The following CLCN3 variants were observed in gnomAD, a reference collection of about 807,000 sequenced individuals.
CLCN3 encodes the protein H(+)/Cl(-) exchange transporter 3.
Under a neutral mutation model 83.4 loss-of-function variants are expected in CLCN3, and 16 were observed. The observed-to-expected ratio is 0.19, with a 90% CI of 0.13 to 0.29. The LOEUF (loss-of-function observed/expected upper bound fraction) is 0.29. CLCN3 is among the 10% of genes least tolerant of loss of function. The pLI is 1.00. For missense variants in CLCN3, 544 were observed against 1,006.0 expected, an observed-to-expected ratio of 0.54 and a Z score of 6.21; for synonymous variants, 322 against 346.2, an observed-to-expected ratio of 0.93 and a Z score of 0.78.
intron 6 of CLCN3, among the ~76,000 whole-genome samples, 178 bp from the exon 7 acceptor site, chr4:169,691,936 T>A (rs940356634): frequency 1.3e-5 from 2 of 152,158 alleles, no homozygotes; most frequent in Admixed American, 1.3e-4. Context: ...GATTATAATA[T>A]CAATTTATTA....
intron 1 of CLCN3, among the ~76,000 whole-genome samples, chr4:169,622,645 C>G (rs554845660): frequency 2.0e-5 from 3 of 152,222 alleles, no homozygotes; most frequent in Admixed American, 1.3e-4. Flanking sequence ...TCACACTAAC[C>G]CCACGAAGTA....
chr4:169,628,604 C>T (rs1415611966), intron 1 of CLCN3, among the ~76,000 whole-genome samples: 2 of 152,132 alleles, frequency 1.3e-5, no homozygotes, highest in South Asian at 2.1e-4. Flanking sequence ...AAGATACTAC[C>T]GTACATCTAT....
At chr4:169,699,596 A>G (rs1435671885) in intron 9 of CLCN3, among the ~76,000 whole-genome samples, 1 of 152,154 alleles carries the variant, frequency 6.6e-6, no homozygotes, top group Non-Finnish European at 1.5e-5. Context: ...AATAATAGAA[A>G]AGCCTGGCCA....
At chr4:169,651,853 T>A (rs541341655) in intron 2 of CLCN3, among the ~76,000 whole-genome samples, 48 of 152,200 alleles carry the variant, frequency 3.2e-4, no homozygotes, top group Non-Finnish European at 6.3e-4. Context: ...AGGAAATTCC[T>A]TGGAAAAACC....
rs1409534682 is a variant in CLCN3 at position 169,636,072 on chromosome 4, T to C, written c.144T>C (p.Asp48=). ...CATCTGAAGATGACAATTTATTAGA[T>C]GGTGACACTGCAGTTGGTAAGTTCA... The part of the protein sequence containing the change: ...FQTSEDDNLL[D]GDTAVGTHYT... Residue 48 remains aspartate (D), a synonymous_variant, in exon 2 of 13, where the codon GAT becomes GAC. Coordinates refer to ENST00000513761, the MANE Select transcript of CLCN3 (RefSeq NM_001829.4). The C allele has an allele frequency of 1.9e-6, 3 of 1,612,416 alleles. No homozygotes were observed. Among genetic ancestry groups the C allele is most frequent in the African/African-American group, 2.7e-5 (2 of 74,998 alleles).
At chr4:169,656,183 C>T (rs1730877283) in intron 2 of CLCN3, among the ~76,000 whole-genome samples, 1 of 152,042 alleles carries the variant, frequency 6.6e-6, no homozygotes, top group Non-Finnish European at 1.5e-5. Context: ...TTAGTCCCTT[C>T]TCATGATGCT....
intron 1 of CLCN3, among the ~76,000 whole-genome samples, chr4:169,628,525 A>G (rs1345434085): frequency 6.6e-6 from 1 of 152,238 alleles, no homozygotes; most frequent in African/African-American, 2.4e-5. Context: ...AGGATTACAC[A>G]TATAGCAAAT....
chr4:169,620,648 G>T lies in CLCN3; in HGVS notation c.-432G>T. 2.5e-6 allele frequency: 1 copy of T among 397,874 alleles called. No homozygotes were observed. 24.6% of individuals were successfully genotyped at this position (397,874 alleles called of 1,614,324 possible). A position where few individuals can be genotyped will look rare whatever the true frequency, so the allele number is the denominator to read the frequency against. ...AGCCCCTTTCCCAGTGTTCTAGTTCGCCCGTGACCCGGAATAATGAGCAAG... is the reference window on the plus strand; with the variant it reads ...AGCCCCTTTCCCAGTGTTCTAGTTCTCCCGTGACCCGGAATAATGAGCAAG... On this transcript the variant is annotated 5_prime_UTR_variant, in exon 1 of 13. Coordinates refer to ENST00000513761, the MANE Select transcript of CLCN3 (RefSeq NM_001829.4).
chr4:169,667,785 G>A (rs775165183), intron 2 of CLCN3, among the ~76,000 whole-genome samples: 22 of 147,326 alleles, frequency 1.5e-4, no homozygotes, highest in Admixed American at 2.8e-4. Flanking sequence ...TCGCTCTGTC[G>A]CCCAGGTTGG....
chr4:169,631,588 G>C (rs1211426494), intron 1 of CLCN3, among the ~76,000 whole-genome samples: 3 of 152,046 alleles, frequency 2.0e-5, no homozygotes, highest in Non-Finnish European at 4.4e-5. Flanking sequence ...GCGCCCGGCC[G>C]TCTTTGCCCA....
At chr4:169,717,231 C>T (rs1733454310) in intron 12 of CLCN3, among the ~76,000 whole-genome samples, 1 of 152,136 alleles carries the variant, frequency 6.6e-6, no homozygotes, top group Non-Finnish European at 1.5e-5. Flanking sequence ...AGCTCCTGAA[C>T]ATTAGGGAGT....
chr4:169,661,182 A>G (rs1237539140), intron 2 of CLCN3, among the ~76,000 whole-genome samples: 1 of 152,100 alleles, frequency 6.6e-6, no homozygotes, highest in Non-Finnish European at 1.5e-5. Context: ...GTTAATTACT[A>G]CCCTTTTTTT....
At chr4:169,695,505 G>T (rs1732531606) in intron 7 of CLCN3, 107 bp from the exon 8 acceptor site, 2 of 811,292 alleles carry the variant, frequency 2.5e-6, no homozygotes. Flanking sequence ...AAACATGCAA[G>T]TTAAATTCAG....
At chr4:169,622,982 A>G (rs923532317) in intron 1 of CLCN3, among the ~76,000 whole-genome samples, 2 of 152,208 alleles carry the variant, frequency 1.3e-5, no homozygotes, top group South Asian at 4.1e-4. Flanking sequence ...ATCTGTACAT[A>G]AACATTGTAG....
At chr4:169,714,730 C>T (rs28533515) in intron 12 of CLCN3, among the ~76,000 whole-genome samples, 11,545 of 151,914 alleles carry the variant, frequency 0.076, 1,412 homozygotes, top group African/African-American at 0.26. Flanking sequence ...TTTTTCACTG[C>T]GCTAATTAAA....
At chr4:169,626,226 G>GATGA (rs1193209503) in intron 1 of CLCN3, among the ~76,000 whole-genome samples, 2 of 152,214 alleles carry the variant, frequency 1.3e-5, no homozygotes, top group African/African-American at 4.8e-5. Flanking sequence ...AAAGGATACA[G>GATGA]ATGAACAGAT....
intron 11 of CLCN3, 49 bp from the exon 12 acceptor site, chr4:169,713,030 T>G (rs1237955593): frequency 7.0e-7 from 1 of 1,419,762 alleles, no homozygotes. Context: ...GGTTGCCTAC[T>G]TAAAAATCTA....
chr4:169,652,020 T>C (rs1274914626), intron 2 of CLCN3, among the ~76,000 whole-genome samples: 3 of 152,176 alleles, frequency 2.0e-5, no homozygotes, highest in Non-Finnish European at 4.4e-5. Context: ...ATACTTAGGA[T>C]ATGTTTTTAA....
chr4:169,696,514 A>G (rs1732570332), intron 8 of CLCN3, among the ~76,000 whole-genome samples: 1 of 152,140 alleles, frequency 6.6e-6, no homozygotes. Flanking sequence ...AGTGATTAGC[A>G]AATCCCTCAA....
Sources: allele counts gnomAD v4.1 joint callset (sites outside exome capture counted in the v4.1 genomes callset), GRCh38; gene constraint gnomAD v4.1.1; transcripts MANE v1.5; gene names NCBI Gene and HGNC (gene_info 2026-07-23, HGNC 2026-07-21).